The following ASIC2 variants were observed in gnomAD, a reference collection of about 807,000 sequenced individuals.
The protein encoded by ASIC2 is acid sensing ion channel subunit 2.
A neutral mutation model predicts 57.3 loss-of-function variants in ASIC2; 25 were observed. The observed-to-expected ratio is 0.44, with a 90% CI of 0.32 to 0.61. The LOEUF (loss-of-function observed/expected upper bound fraction) is 0.61. ASIC2 is among the 20% of genes least tolerant of loss of function. The pLI, the probability that ASIC2 is intolerant of heterozygous loss-of-function variation, is 0.06. For missense variants in ASIC2, 641 were observed against 738.1 expected (o/e 0.87, Z 1.52); for synonymous variants, 319 against 307.5 (o/e 1.04, Z -0.39).
intron 1 of ASIC2, among the ~76,000 whole-genome samples, chr17:33,204,313 C>G (rs543588660): frequency 1.3e-5 from 2 of 152,350 alleles, no homozygotes; most frequent in South Asian, 4.1e-4. Context: ...TACCTGCAGG[C>G]TCAGCCCATG....
chr17:33,639,493 G>A (rs1206325158), intron 1 of ASIC2, among the ~76,000 whole-genome samples: 1 of 152,120 alleles, frequency 6.6e-6, no homozygotes, highest in Non-Finnish European at 1.5e-5. Context: ...TCAGTCAAAG[G>A]TTCCCACTCT....
At chr17:33,372,607 C>T (rs932256920) in intron 1 of ASIC2, among the ~76,000 whole-genome samples, 4 of 152,142 alleles carry the variant, frequency 2.6e-5, no homozygotes, top group African/African-American at 2.4e-5. Context: ...CACATGGACC[C>T]TCTGGGCTCT....
intron 1 of ASIC2, among the ~76,000 whole-genome samples, chr17:33,338,452 T>A (rs1597689309): frequency 6.6e-6 from 1 of 151,832 alleles, no homozygotes; most frequent in African/African-American, 2.4e-5. Context: ...CTGGAGGAGG[T>A]GATATCCAGC....
intron 1 of ASIC2, among the ~76,000 whole-genome samples, chr17:33,428,247 T>TA (rs968737408): frequency 2.6e-5 from 4 of 152,180 alleles, no homozygotes; most frequent in Non-Finnish European, 5.9e-5. Context: ...TGGGGAGCTT[T>TA]AAAAAATCTA....
At chr17:34,032,669 T>C (rs923029255) in intron 1 of ASIC2, among the ~76,000 whole-genome samples, 1 of 151,944 alleles carries the variant, frequency 6.6e-6, no homozygotes, top group Non-Finnish European at 1.5e-5. Flanking sequence ...TGGAGGAAGA[T>C]CTACCAAGCA....
intron 1 of ASIC2, among the ~76,000 whole-genome samples, chr17:33,699,137 A>G (rs7223420): frequency 0.14 from 20,807 of 152,144 alleles, 1,459 homozygotes; most frequent in Non-Finnish European, 0.14. Flanking sequence ...ATCACCTCCA[A>G]GGACAAGCTC....
chr17:33,901,003 C>T (rs1340061218), intron 1 of ASIC2, among the ~76,000 whole-genome samples: 1 of 152,196 alleles, frequency 6.6e-6, no homozygotes, highest in Non-Finnish European at 1.5e-5. Flanking sequence ...TTAGGTGCTT[C>T]TTTTGTGCAT....
At chr17:33,668,105 C>G (rs904669096) in intron 1 of ASIC2, among the ~76,000 whole-genome samples, 1 of 152,136 alleles carries the variant, frequency 6.6e-6, no homozygotes, top group African/African-American at 2.4e-5. Flanking sequence ...GTGAACCGCG[C>G]TGGCGTGTCT....
At chr17:33,865,772 CAAAAAA>C in intron 1 of ASIC2, among the ~76,000 whole-genome samples, 1 of 74,160 alleles carries the variant, frequency 1.3e-5, no homozygotes, top group South Asian at 3.6e-4. Context: ...AAAAAAAAAA[CAAAAAA>C]AAAAACGTTT....
At chr17:33,378,981 T>A (rs2141944402) in intron 1 of ASIC2, among the ~76,000 whole-genome samples, 1 of 152,342 alleles carries the variant, frequency 6.6e-6, no homozygotes, top group Non-Finnish European at 1.5e-5. Flanking sequence ...CCAGGGTTAG[T>A]ATCATGATTA....
intron 3 of ASIC2, among the ~76,000 whole-genome samples, chr17:33,087,838 C>T (rs954406984): frequency 2.6e-5 from 4 of 152,030 alleles, no homozygotes; most frequent in African/African-American, 9.6e-5. Context: ...GGATTACAGG[C>T]GTGAACCACC....
Position 33,570,268 on chromosome 17 carries a change from T to C in ASIC2, c.556-458201A>G, listed in dbSNP as rs151135657. ...CTTTCTTCAGTCCTAGTAAAGACTATTGCCTTTGACTCTATCCCATCTAGC... is the reference window on the plus strand; with the variant it reads ...CTTTCTTCAGTCCTAGTAAAGACTACTGCCTTTGACTCTATCCCATCTAGC... On this transcript the variant is annotated intron_variant, in intron 1 of 9. Coordinates refer to the ASIC2 transcript ENST00000359872. Among the ~76,000 whole-genome samples, 486 of 152,378 alleles carry C rather than the reference T, an allele frequency of 3.2e-3. 3 individuals are homozygous for C. Among genetic ancestry groups the C allele is most frequent in the African/African-American group, 0.011 (471 of 41,596 alleles).
intron 1 of ASIC2, among the ~76,000 whole-genome samples, chr17:33,142,908 A>C (rs906360766): frequency 1.3e-5 from 2 of 152,220 alleles, no homozygotes; most frequent in Non-Finnish European, 2.9e-5. Context: ...AGGGTTGGTC[A>C]CTGTCCATGG....
At chr17:33,320,465 C>G (rs1906825739) in intron 1 of ASIC2, among the ~76,000 whole-genome samples, 1 of 152,146 alleles carries the variant, frequency 6.6e-6, no homozygotes. Flanking sequence ...GACAACAAAA[C>G]AGACCTAGGG....
chr17:33,434,171 G>A (rs1020307308), intron 1 of ASIC2, among the ~76,000 whole-genome samples: 8 of 151,492 alleles, frequency 5.3e-5, no homozygotes, highest in African/African-American at 1.9e-4. Flanking sequence ...AAAGACAAAT[G>A]GTATTTGAGA....
chr17:33,811,672 C>T (rs1912425759), intron 1 of ASIC2, among the ~76,000 whole-genome samples: 1 of 152,112 alleles, frequency 6.6e-6, no homozygotes, highest in South Asian at 2.1e-4. Context: ...GGCTTTAGAA[C>T]CTGAGACATA....
rs1207384808 is a variant in ASIC2 at position 33,329,880 on chromosome 17, G to A, written c.556-217813C>T. 2.6e-5 allele frequency among the ~76,000 whole-genome samples: 4 copies of A among 152,188 alleles called. No homozygotes were observed. In the East Asian group the frequency reaches 5.8e-4, roughly 22 times the overall value. On this transcript the variant is annotated intron_variant, in intron 1 of 9. Coordinates refer to the ASIC2 transcript ENST00000359872. ...TGGATCTGTTCTTTTCTCCCAGGAG[G>A]AGAATGTCTTCAGCAGTGAGAAGGA... is the stretch of plus-strand genomic sequence containing the variant.
At chr17:33,644,127 G>T in intron 1 of ASIC2, among the ~76,000 whole-genome samples, 1 of 152,164 alleles carries the variant, frequency 6.6e-6, no homozygotes, top group East Asian at 1.9e-4. Flanking sequence ...GCTTCTCGTT[G>T]TGTGTCTTAT....
intron 1 of ASIC2, among the ~76,000 whole-genome samples, chr17:33,786,367 A>T (rs533651576): frequency 1.3e-5 from 2 of 152,268 alleles, no homozygotes; most frequent in South Asian, 4.2e-4. Flanking sequence ...GTACAAGTCG[A>T]GATTCCCAGA....
Sources: allele counts gnomAD v4.1 joint callset (sites outside exome capture counted in the v4.1 genomes callset), GRCh38; gene constraint gnomAD v4.1.1; transcripts MANE v1.5; gene names NCBI Gene and HGNC (gene_info 2026-07-23, HGNC 2026-07-21).